The following SPATA12 variants were observed in gnomAD, a reference collection of about 807,000 sequenced individuals.
SPATA12 encodes the protein spermatogenesis-associated protein 12.
For synonymous variants in SPATA12, 85 were observed against 89.2 expected (o/e 0.95, Z 0.26); for missense variants, 219 against 226.4 (o/e 0.97, Z 0.21).
Position 57,074,520 on chromosome 3 carries a change from A to G in SPATA12, c.*253A>G. On this transcript the variant is annotated 3_prime_UTR_variant, in exon 2 of 2. Coordinates refer to ENST00000334325, the MANE Select transcript of SPATA12 (RefSeq NM_181727.2). ...CACACAATCCAGATCTCATACTCTT[A>G]GCCCCCGGGGAACCTTCACTGTATT... The G allele has an allele frequency of 2.0e-6, 1 of 511,960 alleles. No homozygotes were observed. The highest frequency in any genetic ancestry group is 3.1e-5 in the South Asian group (1 of 32,310). The allele number at this position is 511,960 out of a possible 1,614,324, so 31.7% of individuals were successfully genotyped here. A position where few individuals can be genotyped will look rare whatever the true frequency, so the allele number is the denominator to read the frequency against.
chr3:57,070,114 G>A (rs1705802501), intron 1 of SPATA12, among the ~76,000 whole-genome samples: 1 of 152,146 alleles, frequency 6.6e-6, no homozygotes, highest in Admixed American at 6.5e-5. Context: ...AGATAAAATG[G>A]AGCCTGGCTT....
Position 57,071,675 on chromosome 3 carries a change from A to T in SPATA12, c.-329-1691A>T, listed in dbSNP as rs886452168. Among the ~76,000 whole-genome samples, 37 of 152,078 alleles carry T rather than the reference A, an allele frequency of 2.4e-4. 1 individual carries two copies. The highest frequency in any genetic ancestry group is 4.6e-4 in the African/African-American group (19 of 41,494). ...ACTCCATCTCAAAAAAAAAAAAAAA[A>T]ATATGCCTTAGGCATAAGTTTTCAT... On this transcript the variant is annotated intron_variant, in intron 1 of 1. Coordinates refer to ENST00000334325, the MANE Select transcript of SPATA12 (RefSeq NM_181727.2).
chr3:57,073,736 G>C lies in SPATA12; in HGVS notation c.42G>C (p.Lys14Asn). ...SALTCGSTLE[K>N]SGDTWEMKAL... ...TGACTTGTGGGTCCACCTTAGAAAA[G>C]TCAGGAGACACCTGGGAAATGAAGG... The change falls in exon 2 of 2, where the codon AAG becomes AAC. Residue 14 changes from lysine to asparagine, a missense_variant. By Grantham distance (94) the Lys-to-Asn change is moderately conservative. Transcript: ENST00000334325. The C allele has an allele frequency of 6.2e-7, 1 of 1,614,226 alleles. No individual in the cohort carries two copies. Among genetic ancestry groups the C allele is most frequent in the South Asian group, 1.1e-5 (1 of 91,090 alleles).
At position 57,060,795 on chromosome 3, in the gene SPATA12, T is replaced by C. The variant is rs763056025; in HGVS notation, c.-330+9T>C. 6.6e-6 allele frequency: 1 copy of C among 151,728 alleles called. No homozygotes were observed. The highest frequency in any genetic ancestry group is 1.5e-5 in the Non-Finnish European group (1 of 67,954). 9.4% of individuals were successfully genotyped at this position (151,728 alleles called of 1,614,324 possible). On this transcript the variant is annotated intron_variant, in intron 1 of 1. Transcript: ENST00000334325. Reference sequence around the variant, plus strand: ...GGAGCCTCTGGTGTCTTGTGAGTAGTTTACCTGCCGCCCCACCCCCACCCC... The same window carrying C: ...GGAGCCTCTGGTGTCTTGTGAGTAGCTTACCTGCCGCCCCACCCCCACCCC...
chr3:57,064,138 G>A (rs540391075), intron 1 of SPATA12, among the ~76,000 whole-genome samples: 1 of 152,170 alleles, frequency 6.6e-6, no homozygotes, highest in East Asian at 1.9e-4. Flanking sequence ...GCATAGTGGT[G>A]CATGCCTGTA....
Position 57,073,637 on chromosome 3 carries a change from C to A in SPATA12, c.-58C>A, listed in dbSNP as rs1182993204. 1.9e-6 allele frequency: 3 copies of A among 1,550,978 alleles called. No individual in the cohort carries two copies. The highest frequency in any genetic ancestry group is 2.6e-6 in the Non-Finnish European group (3 of 1,150,868). ...GTGCTGCATGCTCCTCAGGGATTGG[C>A]TCCGGCCAAGTGCCCCAGCCTCCTT... On this transcript the variant is annotated 5_prime_UTR_variant, in exon 2 of 2. Coordinates refer to ENST00000334325, the MANE Select transcript of SPATA12 (RefSeq NM_181727.2).
Position 57,074,200 on chromosome 3 carries a change from C to T in SPATA12, c.506C>T (p.Thr169Ile), listed in dbSNP as rs775233328. The change falls in exon 2 of 2, where the codon ACT becomes ATT. Residue 169 changes from threonine to isoleucine, a missense_variant. Transcript: ENST00000334325. ...AGCCGTTCAAACCAACTGACATTTA[C>T]TGAGGGCTGCTTTGTCAGGTCCCTC... ...GCSRSNQLTF[T>I]EGCFVRSLST... is the part of the protein sequence containing the mutation. The T allele has an allele frequency of 1.9e-6, 3 of 1,614,188 alleles. No homozygotes were observed. The Admixed American group carries it at 5.0e-5, about 27-fold the overall frequency.
At chr3:57,062,781 G>A (rs1287551816) in intron 1 of SPATA12, among the ~76,000 whole-genome samples, 2 of 151,932 alleles carry the variant, frequency 1.3e-5, no homozygotes, top group Non-Finnish European at 1.5e-5. Context: ...GAAAAATATA[G>A]GCAAGAATTA....
At chr3:57,062,648 GC>G (rs1366978450) in intron 1 of SPATA12, among the ~76,000 whole-genome samples, 27 of 152,260 alleles carry the variant, frequency 1.8e-4, no homozygotes, top group Non-Finnish European at 3.5e-4. Context: ...TGTTTAACAA[GC>G]AGGAATATCT....
chr3:57,071,462 C>T (rs1281030116), intron 1 of SPATA12, among the ~76,000 whole-genome samples: 2 of 152,084 alleles, frequency 1.3e-5, no homozygotes, highest in Non-Finnish European at 2.9e-5. Flanking sequence ...GAGTTCCAGA[C>T]CAGCCTGGCC....
Position 57,074,360 on chromosome 3 carries a change from CA to C in SPATA12, c.*94del, listed in dbSNP as rs1706109987. On this transcript the variant is annotated 3_prime_UTR_variant, in exon 2 of 2. Coordinates refer to ENST00000334325, the MANE Select transcript of SPATA12 (RefSeq NM_181727.2). ...CCTCCCTTCCATCCCCCACCCCCAC[CA>C]GGGGTGACTCGTAGCCATCCCTTTC... is the stretch of plus-strand genomic sequence containing the variant. 1 of 1,126,130 alleles carries C rather than the reference CA, an allele frequency of 8.9e-7. No homozygotes were observed. The highest frequency in any genetic ancestry group is 2.1e-5 in the Admixed American group (1 of 47,892). 69.8% of individuals were successfully genotyped at this position (1,126,130 alleles called of 1,614,324 possible). A position where few individuals can be genotyped will look rare whatever the true frequency, so the allele number is the denominator to read the frequency against.
intron 1 of SPATA12, among the ~76,000 whole-genome samples, chr3:57,065,056 A>G (rs1705446743): frequency 6.6e-6 from 1 of 152,256 alleles, no homozygotes; most frequent in South Asian, 2.1e-4. Flanking sequence ...TGTAGGGAGA[A>G]GTAGGGTGGA....
At chr3:57,067,178 G>A (rs1461619310) in intron 1 of SPATA12, among the ~76,000 whole-genome samples, 4 of 152,194 alleles carry the variant, frequency 2.6e-5, no homozygotes, top group Non-Finnish European at 4.4e-5. Context: ...TCGGCCAGGC[G>A]CGGTGGCTCA....
intron 1 of SPATA12, among the ~76,000 whole-genome samples, chr3:57,063,739 A>G (rs1256005910): frequency 2.0e-5 from 3 of 152,250 alleles, no homozygotes; most frequent in Admixed American, 2.0e-4. Flanking sequence ...GGCAACAGAG[A>G]ACAGGCCATT....
rs894266971 is a variant in SPATA12, at chr3:57,074,921, T to C, written c.*654T>C. ...ACCATCAGAACACACAACGCCAAGA[T>C]CTTACTCCAGCCACCTGCCAGGACC... On this transcript the variant is annotated 3_prime_UTR_variant, in exon 2 of 2. Coordinates refer to ENST00000334325, the MANE Select transcript of SPATA12 (RefSeq NM_181727.2). The C allele has an allele frequency of 6.0e-6, 1 of 167,136 alleles. No homozygotes were observed. Among genetic ancestry groups the C allele is most frequent in the African/African-American group, 2.4e-5 (1 of 41,422 alleles). The allele number at this position is 167,136 out of a possible 1,614,324, so 10.4% of individuals were successfully genotyped here.
chr3:57,070,694 A>C (rs9837565), intron 1 of SPATA12, among the ~76,000 whole-genome samples: 132,522 of 152,130 alleles, frequency 0.87, 57,778 homozygotes, highest in East Asian at 0.96. Flanking sequence ...CACAGTGGCT[A>C]ACACCTATAA....
Position 57,073,792 on chromosome 3 carries a change from C to T in SPATA12, c.98C>T (p.Pro33Leu). Reference protein sequence around the residue: ...ALDSSRLVPWPPRGLGSSTQH... With the variant: ...ALDSSRLVPWLPRGLGSSTQH... The stretch of plus-strand genomic sequence containing the variant: ...GACTCTTCCAGACTCGTTCCATGGC[C>T]ACCCAGAGGCCTTGGGTCATCCACC... Residue 33 changes from proline to leucine, a missense_variant, in exon 2 of 2, where the codon CCA becomes CTA. Pro to Leu is a moderately conservative substitution (Grantham distance 98). Transcript: ENST00000334325. 1 of 1,614,228 alleles carries T rather than the reference C, an allele frequency of 6.2e-7. No individual in the cohort carries two copies. The highest frequency in any genetic ancestry group is 8.5e-7 in the Non-Finnish European group (1 of 1,180,040).
At chr3:57,063,496 C>G (rs1705350430) in intron 1 of SPATA12, among the ~76,000 whole-genome samples, 1 of 152,084 alleles carries the variant, frequency 6.6e-6, no homozygotes, top group Non-Finnish European at 1.5e-5. Flanking sequence ...GGGAGGGGAG[C>G]AGTGGCCACT....
chr3:57,065,429 C>A (rs1362569283), intron 1 of SPATA12, among the ~76,000 whole-genome samples: 2 of 151,796 alleles, frequency 1.3e-5, no homozygotes, highest in Non-Finnish European at 2.9e-5. Flanking sequence ...TCACTGCACT[C>A]CAGCCTGGGC....
Sources: allele counts gnomAD v4.1 joint callset (sites outside exome capture counted in the v4.1 genomes callset), GRCh38; gene constraint gnomAD v4.1.1; transcripts MANE v1.5; gene names NCBI Gene and HGNC (gene_info 2026-07-23, HGNC 2026-07-21).